Variants in ARHGAP36 observed in about 807,000 individuals in gnomAD.
ARHGAP36 encodes Rho GTPase activating protein 36.
Under a neutral mutation model 32.9 loss-of-function variants are expected in ARHGAP36, and 7 were observed. The observed-to-expected ratio is 0.21, with a 90% CI of 0.12 to 0.40. ARHGAP36 has a LOEUF of 0.40. Ranked by LOEUF, ARHGAP36 falls within the 10% of genes least tolerant of loss-of-function variation. ARHGAP36 has a pLI of 1.00. For synonymous variants in ARHGAP36, 165 were observed against 168.3 expected (o/e 0.98, Z 0.15); for missense variants, 383 against 442.2 (o/e 0.87, Z 1.20).
At chrX:131,073,676 A>G (rs1388247153) in intron 1 of ARHGAP36, among the ~76,000 whole-genome samples, 1 of 111,925 alleles carries the variant, frequency 8.9e-6, no homozygotes, top group Non-Finnish European at 1.9e-5. Flanking sequence ...CAGAATGATA[A>G]TAAATTATGC....
intron 1 of ARHGAP36, among the ~76,000 whole-genome samples, chrX:131,065,364 G>C (rs928072322): frequency 9.0e-6 from 1 of 111,478 alleles, no homozygotes; most frequent in Non-Finnish European, 1.9e-5. Context: ...GTAGTCTAGC[G>C]ATGTGTTTAT....
chrX:131,061,225 TA>T (rs1356616949), intron 1 of ARHGAP36, among the ~76,000 whole-genome samples: 10 of 111,495 alleles, frequency 9.0e-5, no homozygotes, highest in Non-Finnish European at 1.7e-4. Flanking sequence ...AACTCTTTTT[TA>T]AAAAAATTTA....
chrX:131,088,947 G>A lies in ARHGAP36; in HGVS notation c.*162G>A. 1 of 724,048 alleles carries A rather than the reference G, an allele frequency of 1.4e-6. No individual in the cohort carries two copies. Among genetic ancestry groups the A allele is most frequent in the South Asian group, 3.5e-5 (1 of 28,309 alleles). The allele number at this position is 724,048 out of a possible 1,213,427, so 59.7% of individuals were successfully genotyped here. A position where few individuals can be genotyped will look rare whatever the true frequency, so the allele number is the denominator to read the frequency against. On this transcript the variant is annotated 3_prime_UTR_variant, in exon 12 of 12. Coordinates refer to ENST00000276211, the MANE Select transcript of ARHGAP36 (RefSeq NM_144967.4). ...GATGAGAATTCCAAACACACTGCCA[G>A]CCCCTTCACTGGGGATGCTTGGTCT...
intron 6 of ARHGAP36, 60 bp downstream of exon 6, chrX:131,084,741 G>A (rs1204243635): frequency 1.7e-6 from 2 of 1,196,555 alleles, no homozygotes; most frequent in East Asian, 3.0e-5. Flanking sequence ...AGGAGGTGGG[G>A]TTTCCCCATA....
chrX:131,081,983 G>T, intron 2 of ARHGAP36, 65 bp downstream of exon 2: 1 of 1,155,092 alleles, frequency 8.7e-7, no homozygotes, highest in Non-Finnish European at 1.2e-6. Context: ...GGCAGGACGG[G>T]GCGGATTAGG....
At chrX:131,071,202 G>A (rs1215656932) in intron 1 of ARHGAP36, among the ~76,000 whole-genome samples, 1 of 110,245 alleles carries the variant, frequency 9.1e-6, no homozygotes, top group East Asian at 2.9e-4. Flanking sequence ...CAGAGACAGA[G>A]AGAGACAGAG....
intron 1 of ARHGAP36, among the ~76,000 whole-genome samples, chrX:131,076,522 A>G (rs111881773): frequency 0.018 from 2,066 of 112,611 alleles, 12 homozygotes; most frequent in South Asian, 0.047. Context: ...GACTGTACTT[A>G]TTTTACAAAG....
chrX:131,086,775 T>C (rs1415626423), intron 11 of ARHGAP36, 110 bp downstream of exon 11: 1 of 566,542 alleles, frequency 1.8e-6, no homozygotes, highest in African/African-American at 2.3e-5. Flanking sequence ...TTGAGGAAGA[T>C]GAGTCCTCTG....
rs752059398 is a variant in ARHGAP36, at chrX:131,081,661, C to T, written c.-5C>T. 7 of 1,114,775 alleles carry T rather than the reference C, an allele frequency of 6.3e-6. No individual in the cohort carries two copies. In the Admixed American group the frequency reaches 9.5e-5, roughly 15 times the overall value. 91.9% of individuals were successfully genotyped at this position (1,114,775 alleles called of 1,213,427 possible). A position where few individuals can be genotyped will look rare whatever the true frequency, so the allele number is the denominator to read the frequency against. ...ATGCAGCCTTGATAATCATCCGATT[C>T]CAGAATGGGTGGCTGCATTCCTTTT... is the stretch of plus-strand genomic sequence containing the variant. On this transcript the variant is annotated 5_prime_UTR_variant, in exon 2 of 12. Transcript: ENST00000276211.
chrX:131,088,677 C>T lies in ARHGAP36; in HGVS notation c.1536C>T (p.Asp512=), dbSNP rs148374457. The T allele has an allele frequency of 1.6e-3, 1,985 of 1,210,050 alleles. 5 individuals are homozygous for T. Among genetic ancestry groups the T allele is most frequent in the Middle Eastern group, 2.6e-3 (11 of 4,289 alleles). The change falls in exon 12 of 12, where the codon GAC becomes GAT. Residue 512 remains aspartate (D), a synonymous_variant. Transcript: ENST00000276211. ...AVPSGTARSH[D]DEEGAGNPPI... is the part of the protein sequence containing the mutation. The stretch of plus-strand genomic sequence containing the variant: ...CTTCCGGCACTGCCCGTTCCCATGA[C>T]GATGAGGAAGGAGCGGGTAACCCTC...
intron 1 of ARHGAP36, among the ~76,000 whole-genome samples, chrX:131,071,380 G>A (rs1213831236): frequency 9.0e-6 from 1 of 110,939 alleles, no homozygotes; most frequent in African/African-American, 3.3e-5. Flanking sequence ...TCAATGGAAG[G>A]GCAAATTGTC....
At chrX:131,060,473 AC>A (rs1274736394) in intron 1 of ARHGAP36, among the ~76,000 whole-genome samples, 1 of 112,182 alleles carries the variant, frequency 8.9e-6, no homozygotes, top group African/African-American at 3.2e-5. Context: ...CAATATACTC[AC>A]ATCACCTGTG....
intron 4 of ARHGAP36, 30 bp downstream of exon 4, chrX:131,083,999 G>A: frequency 1.7e-6 from 2 of 1,192,416 alleles, no homozygotes; most frequent in Non-Finnish European, 2.3e-6. Flanking sequence ...TTTCAGGCAG[G>A]GGCCTCTCCT....
At chrX:131,072,837 T>C (rs772070785) in intron 1 of ARHGAP36, among the ~76,000 whole-genome samples, 29 of 111,974 alleles carry the variant, frequency 2.6e-4, no homozygotes, top group Middle Eastern at 9.2e-3. Flanking sequence ...AAAATTGCTA[T>C]GAATCAGCCC....
At chrX:131,083,568 C>T (rs1603394623) in intron 3 of ARHGAP36, 166 bp from the exon 4 acceptor site, 1 of 532,973 alleles carries the variant, frequency 1.9e-6, no homozygotes, top group East Asian at 3.3e-5. Flanking sequence ...CGCCAAACCA[C>T]TGCGGGGTCT....
At position 131,086,754 on chromosome X, in the gene ARHGAP36, A is replaced by G. The variant is rs1027394597; in HGVS notation, c.1486+89A>G. 5.3e-6 allele frequency: 4 copies of G among 760,892 alleles called. No homozygotes were observed. In the Admixed American group the frequency reaches 8.5e-5, roughly 16 times the overall value. The allele number at this position is 760,892 out of a possible 1,213,427, so 62.7% of individuals were successfully genotyped here. A position where few individuals can be genotyped will look rare whatever the true frequency, so the allele number is the denominator to read the frequency against. On this transcript the variant is annotated intron_variant, in intron 11 of 11. Transcript: ENST00000276211. ...TTTTTGAAGGCCAGGTCGTTGCTGA[A>G]GATGAGCCCCTTGAGGAAGATGAGT...
Position 131,088,707 on chromosome X carries a change from T to G in ARHGAP36, c.1566T>G (p.Ile522Met). The G allele has an allele frequency of 8.3e-7, 1 of 1,211,637 alleles. No homozygotes were observed. Among genetic ancestry groups the G allele is most frequent in the Non-Finnish European group, 1.1e-6 (1 of 895,446 alleles). The change falls in exon 12 of 12, where the codon ATT becomes ATG. Residue 522 changes from isoleucine (I) to methionine (M), a missense_variant. Physicochemically the swap from Ile to Met is conservative, Grantham distance 10. Around this residue, in one of 2 missense-constraint regions of ARHGAP36, gnomAD observed 227 missense variants for 311.3 expected, o/e 0.73. Coordinates refer to ENST00000276211, the MANE Select transcript of ARHGAP36 (RefSeq NM_144967.4). ...AGGAAGGAGCGGGTAACCCTCCCAT[T>G]CCGGAGCAAGACCGCCCATTGCTCC... ...DDEEGAGNPP[I>M]PEQDRPLLRV...
rs746448274 is a variant in ARHGAP36 at position 131,085,206 on chromosome X, A to G, written c.955+142A>G. ...AAGAAGATTTTAAAAACCTCTCCAG[A>G]ATATATACAATTATTATTTGTCAAT... is the stretch of plus-strand genomic sequence containing the variant. On this transcript the variant is annotated intron_variant, in intron 7 of 11. Transcript: ENST00000276211. 8.0e-6 allele frequency: 4 copies of G among 498,895 alleles called. No individual in the cohort carries two copies. The East Asian group carries it at 1.3e-4, about 16-fold the overall frequency. 41.1% of individuals were successfully genotyped at this position (498,895 alleles called of 1,213,427 possible).
At chrX:131,073,923 C>A (rs746881623) in intron 1 of ARHGAP36, among the ~76,000 whole-genome samples, 80 of 111,495 alleles carry the variant, frequency 7.2e-4, no homozygotes, top group Non-Finnish European at 8.7e-4. Context: ...AAATACCATT[C>A]CTGCCATGAA....
Sources: gnomAD v4.1 joint callset for allele counts (sites outside exome capture counted in the v4.1 genomes callset) on GRCh38, gnomAD v4.1.1 for gene constraint, gnomAD v4.1.1 regional missense constraint, MANE v1.5 for transcripts, NCBI Gene and HGNC (gene_info 2026-07-23, HGNC 2026-07-21) for gene names.